The following RRH variants were observed in gnomAD, a reference collection of about 807,000 sequenced individuals.
RRH encodes visual pigment-like receptor peropsin.
RRH carries 36 observed loss-of-function variants against 33.1 expected under a neutral mutation model. That is an observed-to-expected ratio of 1.09 (90% CI 0.83 to 1.44). The LOEUF (loss-of-function observed/expected upper bound fraction) is 1.44, where lower values mean the gene tolerates loss of function less well. RRH is among the 40% of genes most tolerant of loss of function. The pLI, the probability that RRH is intolerant of heterozygous loss-of-function variation, is 0.00. For missense variants in RRH, 393 were observed against 420.2 expected (o/e 0.94, Z 0.57); for synonymous variants, 124 against 140.2 (o/e 0.88, Z 0.82).
chr4:109,828,592 AT>A (rs1733686019), intron 1 of RRH, among the ~76,000 whole-genome samples: 1 of 152,158 alleles, frequency 6.6e-6, no homozygotes, highest in Non-Finnish European at 1.5e-5. Context: ...TGGTGGTAGA[AT>A]TTAGCTAAGA....
At chr4:109,835,301 C>A (rs1433636870) in intron 2 of RRH, 65 bp from the exon 3 acceptor site, 8 of 1,122,688 alleles carry the variant, frequency 7.1e-6, no homozygotes, top group Non-Finnish European at 1.1e-5. Context: ...TAACAATGGA[C>A]AAAAATTTAA....
In RRH at chr4:109,844,188, A is replaced by C. The variant is rs1579366643; in HGVS notation, c.1005A>C (p.Gly335=). ...MDVSQNPLAS[G]RI ...TATCTCAAAACCCATTGGCTTCTGG[A>C]AGAATCTGAAATAAGATAAAAGGAC... Residue 335 remains glycine (G), a synonymous_variant, in exon 7 of 7, where the codon GGA becomes GGC. Coordinates refer to ENST00000317735, the MANE Select transcript of RRH (RefSeq NM_006583.5). The C allele has an allele frequency of 6.2e-7, 1 of 1,602,258 alleles. No homozygotes were observed. Among genetic ancestry groups the C allele is most frequent in the East Asian group, 2.2e-5 (1 of 44,796 alleles).
rs546104002 is a variant in RRH at position 109,838,987 on chromosome 4, C to A, written c.720+1382C>A. On this transcript the variant is annotated intron_variant, in intron 5 of 6. Coordinates refer to ENST00000317735, the MANE Select transcript of RRH (RefSeq NM_006583.5). ...TTTCAGTCCCTCTGTTTTTTCTTTT[C>A]TTCTCTTTCCCTGGAATTCCTTTTA... Among the ~76,000 whole-genome samples, 3 of 150,380 alleles carry A rather than the reference C, an allele frequency of 2.0e-5. No homozygotes were observed. In the South Asian group the frequency reaches 6.2e-4, roughly 31 times the overall value.
intron 6 of RRH, among the ~76,000 whole-genome samples, chr4:109,843,748 T>A (rs937539402): frequency 1.3e-5 from 2 of 152,208 alleles, no homozygotes; most frequent in African/African-American, 4.8e-5. Flanking sequence ...ATTAGTAGCA[T>A]CCTTTTAAAT....
Position 109,842,457 on chromosome 4 carries a change from A to C in RRH, c.721-12A>C. ...TAGGTATTGGGCTTGGTGAATATTT[A>C]TTTCTTTTCAGATGTCTGTGATCAT... On this transcript the variant is annotated splice_polypyrimidine_tract_variant and intron_variant, in intron 5 of 6. Coordinates refer to ENST00000317735, the MANE Select transcript of RRH (RefSeq NM_006583.5). 15 of 1,613,016 alleles carry C rather than the reference A, an allele frequency of 9.3e-6. No individual in the cohort carries two copies. The highest frequency in any genetic ancestry group is 1.3e-5 in the Non-Finnish European group (15 of 1,179,120).
intron 2 of RRH, among the ~76,000 whole-genome samples, chr4:109,835,034 G>A (rs369326776): frequency 6.6e-6 from 1 of 152,136 alleles, no homozygotes; most frequent in African/African-American, 2.4e-5. Context: ...TATTGAGTTT[G>A]TCTTTTCCTC....
At chr4:109,828,274 T>C (rs970868330) in intron 1 of RRH, 141 bp downstream of exon 1, 2 of 637,674 alleles carry the variant, frequency 3.1e-6, no homozygotes, top group Non-Finnish European at 5.8e-6. Context: ...GCTTGCTCGT[T>C]GGTAAATGAG....
rs910130772 is a variant in RRH at position 109,844,190 on chromosome 4, G to T, written c.1007G>T (p.Arg336Ile). 6 of 1,602,842 alleles carry T rather than the reference G, an allele frequency of 3.7e-6. No homozygotes were observed. Among genetic ancestry groups the T allele is most frequent in the African/African-American group, 1.3e-5 (1 of 74,794 alleles). The change falls in exon 7 of 7, where the codon AGA becomes ATA. Residue 336 changes from arginine (R) to isoleucine (I), a missense_variant. By Grantham distance (97) the Arg-to-Ile change is moderately conservative (BLOSUM62 -3). Transcript: ENST00000317735. ...DVSQNPLASG[R>I]I ...TCTCAAAACCCATTGGCTTCTGGAA[G>T]AATCTGAAATAAGATAAAAGGACAC...
At chr4:109,835,892 CCAAT>C (rs1436605381) in intron 3 of RRH, 111 bp from the exon 4 acceptor site, 7 of 1,294,770 alleles carry the variant, frequency 5.4e-6, no homozygotes, top group South Asian at 1.2e-5. Context: ...GCTCCTAAGG[CCAAT>C]CAAAGTGCTC....
At position 109,844,292 on chromosome 4, in the gene RRH, A is replaced by G; in HGVS notation, c.*95A>G. 1.3e-6 allele frequency: 1 copy of G among 791,862 alleles called. No individual in the cohort carries two copies. Among genetic ancestry groups the G allele is most frequent in the Non-Finnish European group, 2.2e-6 (1 of 455,860 alleles). 49.1% of individuals were successfully genotyped at this position (791,862 alleles called of 1,614,324 possible). On this transcript the variant is annotated 3_prime_UTR_variant, in exon 7 of 7. Coordinates refer to ENST00000317735, the MANE Select transcript of RRH (RefSeq NM_006583.5). ...CCATTTAGATCAAGTGCAGACATGG[A>G]TCATTGTCCTATGAGAGTGTAAGCT...
intron 1 of RRH, among the ~76,000 whole-genome samples, chr4:109,828,764 C>G (rs1003788902): frequency 1.3e-5 from 2 of 151,918 alleles, no homozygotes; most frequent in African/African-American, 4.8e-5. Flanking sequence ...GAGCATGTAT[C>G]TTCCCTTTTT....
chr4:109,831,188 T>A (rs1034031575), intron 1 of RRH, among the ~76,000 whole-genome samples: 1 of 152,164 alleles, frequency 6.6e-6, no homozygotes, highest in Admixed American at 6.6e-5. Flanking sequence ...TTTATCTAAC[T>A]TTAAAAAGTC....
At chr4:109,840,813 T>C (rs1192753086) in intron 5 of RRH, among the ~76,000 whole-genome samples, 1 of 152,030 alleles carries the variant, frequency 6.6e-6, no homozygotes, top group Non-Finnish European at 1.5e-5. Flanking sequence ...TGTCCCTTCA[T>C]ACTTAAGAGT....
At chr4:109,829,079 T>C (rs1316056032) in intron 1 of RRH, among the ~76,000 whole-genome samples, 1 of 152,162 alleles carries the variant, frequency 6.6e-6, no homozygotes, top group African/African-American at 2.4e-5. Flanking sequence ...GTAACTCTTA[T>C]ATTGAGTTCA....
intron 2 of RRH, 134 bp from the exon 3 acceptor site, chr4:109,835,232 A>G (rs1247526721): frequency 1.8e-5 from 12 of 676,332 alleles, no homozygotes; most frequent in African/African-American, 3.6e-5. Context: ...TAATTTGACA[A>G]TGAAGATGTA....
At position 109,833,259 on chromosome 4, in the gene RRH, G is replaced by T; in HGVS notation, c.227G>T (p.Ser76Ile). 1 of 1,613,888 alleles carries T rather than the reference G, an allele frequency of 6.2e-7. No individual in the cohort carries two copies. Among genetic ancestry groups the T allele is most frequent in the Non-Finnish European group, 8.5e-7 (1 of 1,179,800 alleles). The change falls in exon 2 of 7, where the codon AGC becomes ATC. Residue 76 changes from serine (S) to isoleucine (I), a missense_variant. By Grantham distance (142) the Ser-to-Ile change is moderately radical. Transcript: ENST00000317735. ...NLAVTDIGVS[S>I]IGYPMSAASD... The stretch of plus-strand genomic sequence containing the variant: ...GCTGTTACTGATATAGGGGTCAGTA[G>T]CATTGGCTATCCCATGTCTGCTGCC...
At chr4:109,837,347 C>G in intron 4 of RRH, 90 bp from the exon 5 acceptor site, 1 of 1,099,102 alleles carries the variant, frequency 9.1e-7, no homozygotes, top group Admixed American at 1.8e-5. Flanking sequence ...TAATGACTAC[C>G]AGTATTGTTT....
intron 4 of RRH, among the ~76,000 whole-genome samples, chr4:109,836,889 T>TAAAAA (rs1491226097): frequency 8.4e-5 from 1 of 11,878 alleles, no homozygotes; most frequent in African/African-American, 3.9e-4. Context: ...ACCCTGTCTC[T>TAAAAA]ACAAAAAAAA....
At chr4:109,841,544 C>G (rs1447262149) in intron 5 of RRH, among the ~76,000 whole-genome samples, 1 of 152,104 alleles carries the variant, frequency 6.6e-6, no homozygotes, top group African/African-American at 2.4e-5. Context: ...TCAACCAGTT[C>G]TATTTTGAGC....
Sources: allele counts gnomAD v4.1 joint callset (sites outside exome capture counted in the v4.1 genomes callset), GRCh38; gene constraint gnomAD v4.1.1; transcripts MANE v1.5; gene names NCBI Gene and HGNC (gene_info 2026-07-23, HGNC 2026-07-21).